OTUD7B: variants seen among roughly 807,000 people sequenced by gnomAD.
The protein encoded by OTUD7B is OTU domain-containing protein 7B.
Under a neutral mutation model 82.2 loss-of-function variants are expected in OTUD7B, and 34 were observed. That is an observed-to-expected ratio of 0.41 (90% CI 0.31 to 0.55). The LOEUF (loss-of-function observed/expected upper bound fraction) is 0.55, where lower values mean the gene tolerates loss of function less well. Among genes scored for constraint, OTUD7B ranks in the 20% least tolerant of loss-of-function variants. The pLI, the probability that OTUD7B is intolerant of heterozygous loss-of-function variation, is 0.20. For synonymous variants in OTUD7B, 398 were observed against 402.7 expected, an observed-to-expected ratio of 0.99 and a Z score of 0.14; for missense variants, 944 against 1,062.1, an observed-to-expected ratio of 0.89 and a Z score of 1.55.
At chr1:150,011,401 C>G (rs868931898), upstream of OTUD7B, among the ~76,000 whole-genome samples, 2 of 152,156 alleles carry the variant, frequency 1.3e-5, no homozygotes, top group African/African-American at 4.8e-5. Flanking sequence ...TGTATCACTG[C>G]TCTCAGTGAT....
At chr1:150,043,955 C>A in the OTUD7B span, among the ~76,000 whole-genome samples, 3 of 152,022 alleles carry the variant, frequency 2.0e-5, no homozygotes, top group East Asian at 5.9e-4. Flanking sequence ...TCCTCCCCTA[C>A]AAATTTTAAA....
chr1:150,065,869 C>T, the OTUD7B span, among the ~76,000 whole-genome samples: 1 of 127,200 alleles, frequency 7.9e-6, no homozygotes, highest in African/African-American at 5.5e-5. Flanking sequence ...CATATCTTAT[C>T]GCTCAATGTA....
the OTUD7B span, among the ~76,000 whole-genome samples, chr1:150,035,376 G>A: frequency 2.0e-5 from 3 of 152,140 alleles, no homozygotes; most frequent in African/African-American, 4.8e-5. Flanking sequence ...GCCTGAGTCC[G>A]GGAGGCCTAA....
chr1:150,049,131 C>A, the OTUD7B span, among the ~76,000 whole-genome samples: 2 of 152,192 alleles, frequency 1.3e-5, no homozygotes, highest in Admixed American at 1.3e-4. Flanking sequence ...AGCCACCATG[C>A]CCCGTCTACT....
upstream of OTUD7B, among the ~76,000 whole-genome samples, chr1:150,013,858 C>T (rs61808062): frequency 9.8e-5 from 14 of 142,832 alleles, no homozygotes; most frequent in African/African-American, 3.6e-4. Context: ...GGAGGCGGAG[C>T]TTGCAGTGAG....
chr1:149,948,133 C>T (rs782064408), intron 10 of OTUD7B, among the ~76,000 whole-genome samples: 5 of 152,056 alleles, frequency 3.3e-5, no homozygotes, highest in South Asian at 2.1e-4. Context: ...ACATGCACCA[C>T]CACGCCTGGC....
intron 1 of OTUD7B, among the ~76,000 whole-genome samples, chr1:149,983,434 ACAATTATAATAAAG>A (rs1417669703): frequency 6.6e-6 from 1 of 152,156 alleles, no homozygotes; most frequent in Non-Finnish European, 1.5e-5. Context: ...ATTTTCACAA[ACAATTATAATAAAG>A]CAATGTTAGA....
the OTUD7B span, among the ~76,000 whole-genome samples, chr1:150,060,547 G>A: frequency 6.6e-6 from 1 of 152,092 alleles, no homozygotes; most frequent in Non-Finnish European, 1.5e-5. Context: ...GAGTCTGGGG[G>A]TACTTCGTTA....
At chr1:150,017,141 G>C in the OTUD7B span, among the ~76,000 whole-genome samples, 2 of 152,206 alleles carry the variant, frequency 1.3e-5, no homozygotes, top group African/African-American at 4.8e-5. Context: ...TGTCAAAAGA[G>C]AGGAGTTTAG....
chr1:150,016,452 CTTTTTT>C, the OTUD7B span, among the ~76,000 whole-genome samples: 1 of 106,608 alleles, frequency 9.4e-6, no homozygotes, highest in South Asian at 3.1e-4. Flanking sequence ...TTTTCTTTTT[CTTTTTT>C]TTTTTTTTTT....
intron 1 of OTUD7B, among the ~76,000 whole-genome samples, chr1:149,987,435 T>A (rs1436543052): frequency 1.3e-5 from 2 of 152,244 alleles, no homozygotes; most frequent in Non-Finnish European, 2.9e-5. Flanking sequence ...CATAGGTAAG[T>A]AATATAACCA....
At chr1:150,002,894 CACT>C (rs1291312553) in intron 1 of OTUD7B, among the ~76,000 whole-genome samples, 14 of 152,128 alleles carry the variant, frequency 9.2e-5, no homozygotes, top group Non-Finnish European at 1.6e-4. Context: ...CCCTACACAC[CACT>C]GACATAATCT....
At chr1:150,055,384 C>CAA in the OTUD7B span, among the ~76,000 whole-genome samples, 139 of 150,622 alleles carry the variant, frequency 9.2e-4, 1 homozygote, top group East Asian at 0.011. Context: ...TAACTGATAA[C>CAA]AAAAAAAAAT....
the OTUD7B span, among the ~76,000 whole-genome samples, chr1:150,051,523 A>G: frequency 6.6e-6 from 1 of 152,232 alleles, no homozygotes; most frequent in East Asian, 1.9e-4. Context: ...CTAAAACAAG[A>G]CACATAAAAA....
chr1:149,980,702 ACT>A (rs1193096915), intron 1 of OTUD7B, among the ~76,000 whole-genome samples: 3 of 137,434 alleles, frequency 2.2e-5, no homozygotes, highest in Non-Finnish European at 3.1e-5. Context: ...ACAGAGCAAG[ACT>A]CTGTCTCGAA....
the OTUD7B span, among the ~76,000 whole-genome samples, chr1:150,024,559 T>G: frequency 1.3e-5 from 2 of 152,308 alleles, no homozygotes; most frequent in East Asian, 1.9e-4. Flanking sequence ...GAGTTTAGCC[T>G]AAGATATACA....
intron 7 of OTUD7B, among the ~76,000 whole-genome samples, chr1:149,953,285 C>T (rs1383416343): frequency 6.6e-6 from 1 of 152,174 alleles, no homozygotes; most frequent in South Asian, 2.1e-4. Context: ...GTTTTCCCAG[C>T]ACCATTTATA....
chr1:150,062,875 C>T, the OTUD7B span, among the ~76,000 whole-genome samples: 4 of 151,392 alleles, frequency 2.6e-5, no homozygotes, highest in East Asian at 5.9e-4. Flanking sequence ...CCACCACGCC[C>T]GGCTAATTGT....
intron 7 of OTUD7B, among the ~76,000 whole-genome samples, chr1:149,951,239 G>A (rs1472304856): frequency 6.6e-6 from 1 of 152,000 alleles, no homozygotes; most frequent in Non-Finnish European, 1.5e-5. Context: ...CCAAAGTGCT[G>A]GGATTACAGG....
Sources: allele counts gnomAD v4.1 joint callset (sites outside exome capture counted in the v4.1 genomes callset), GRCh38; gene constraint gnomAD v4.1.1; transcripts MANE v1.5; gene names NCBI Gene and HGNC (gene_info 2026-07-23, HGNC 2026-07-21).